SRBD1: variants seen among roughly 807,000 people sequenced by gnomAD.
SRBD1 encodes S1 RNA binding domain 1, also known as S1 RNA-binding domain-containing protein 1.
Under a neutral mutation model 115.3 loss-of-function variants are expected in SRBD1, and 88 were observed. The observed-to-expected ratio is 0.76, with a 90% confidence interval of 0.64 to 0.91. The LOEUF is 0.91. Ranked by LOEUF, SRBD1 falls within the 40% of genes least tolerant of loss-of-function variation. SRBD1 has a pLI of 0.00. For missense variants in SRBD1, 1,385 were observed against 1,177.4 expected (o/e 1.18, Z -2.58); for synonymous variants, 509 against 407.7 (o/e 1.25, Z -2.99).
At chr2:45,472,948 T>C (rs540762757) in intron 16 of SRBD1, among the ~76,000 whole-genome samples, 1 of 133,152 alleles carries the variant, frequency 7.5e-6, no homozygotes, top group Non-Finnish European at 1.7e-5. Flanking sequence ...ATCTTTAATA[T>C]CAAGGTTGTT....
intron 11 of SRBD1, among the ~76,000 whole-genome samples, chr2:45,552,582 T>C (rs765031600): frequency 7.9e-5 from 12 of 151,974 alleles, no homozygotes; most frequent in Non-Finnish European, 1.5e-4. Flanking sequence ...CAAAAAGAAA[T>C]TGAAATTTTA....
intron 19 of SRBD1, among the ~76,000 whole-genome samples, chr2:45,395,634 G>A (rs1179985134): frequency 1.3e-5 from 2 of 152,112 alleles, no homozygotes; most frequent in Non-Finnish European, 2.9e-5. Context: ...AAAGTCAAGT[G>A]CTTTTTTATT....
At chr2:45,610,396 C>A (rs1317246359) in intron 1 of SRBD1, among the ~76,000 whole-genome samples, 2 of 152,138 alleles carry the variant, frequency 1.3e-5, no homozygotes, top group Non-Finnish European at 2.9e-5. Flanking sequence ...TCCCAAGTCA[C>A]AAAAACAAAA....
At chr2:45,521,121 G>A (rs558805005) in intron 14 of SRBD1, among the ~76,000 whole-genome samples, 13 of 152,184 alleles carry the variant, frequency 8.5e-5, no homozygotes, top group Admixed American at 3.3e-4. Flanking sequence ...AAACAGACAA[G>A]CCACACCCCT....
chr2:45,392,762 G>C lies in SRBD1; in HGVS notation c.2698+183C>G, dbSNP rs538279136. ...GTCCAGGGAGACCACCTGGCTTCTAGCTTTGGCTCTGGATATTAATTATAA... is the reference window on the plus strand; with the variant it reads ...GTCCAGGGAGACCACCTGGCTTCTACCTTTGGCTCTGGATATTAATTATAA... On this transcript the variant is annotated intron_variant, in intron 20 of 20. Coordinates refer to ENST00000263736, the MANE Select transcript of SRBD1 (RefSeq NM_018079.5). Among the ~76,000 whole-genome samples the C allele has an allele frequency of 2.6e-5, 4 of 152,322 alleles. No homozygotes were observed. In the South Asian group the frequency reaches 6.2e-4, roughly 24 times the overall value.
chr2:45,488,089 T>C (rs1670173895), intron 15 of SRBD1, 151 bp downstream of exon 15: 1 of 658,212 alleles, frequency 1.5e-6, no homozygotes, highest in African/African-American at 1.8e-5. Flanking sequence ...CAATTATTAG[T>C]CCAATTAACC....
At chr2:45,579,305 A>T (rs1032867608) in intron 7 of SRBD1, among the ~76,000 whole-genome samples, 6 of 152,222 alleles carry the variant, frequency 3.9e-5, no homozygotes, top group African/African-American at 1.4e-4. Flanking sequence ...CTTCTACAGT[A>T]GAAGTGTGAG....
chr2:45,462,674 A>T lies in SRBD1; in HGVS notation c.2049+14319T>A, dbSNP rs550454302. On this transcript the variant is annotated intron_variant, in intron 16 of 20. Coordinates refer to ENST00000263736, the MANE Select transcript of SRBD1 (RefSeq NM_018079.5). ...TAAAAAAAAAAAAATACAAAAAAAA[A>T]AATTAGCCAGGCGTGGTGTCGGGCA... Among the ~76,000 whole-genome samples the T allele has an allele frequency of 9.4e-4, 143 of 151,922 alleles. 1 individual carries two copies. Among genetic ancestry groups the T allele is most frequent in the African/African-American group, 3.4e-3 (142 of 41,446 alleles).
chr2:45,597,815 G>A (rs138452206), intron 4 of SRBD1, among the ~76,000 whole-genome samples: 3 of 152,250 alleles, frequency 2.0e-5, no homozygotes, highest in African/African-American at 7.2e-5. Flanking sequence ...TTAAGGCAGG[G>A]CCATTTTCTA....
intron 4 of SRBD1, among the ~76,000 whole-genome samples, chr2:45,594,764 T>C (rs565121470): frequency 1.3e-5 from 2 of 152,320 alleles, no homozygotes; most frequent in African/African-American, 2.4e-5. Flanking sequence ...TCACCCTGGC[T>C]AAAATTTTAG....
intron 16 of SRBD1, among the ~76,000 whole-genome samples, chr2:45,474,387 G>T (rs1669742666): frequency 6.6e-6 from 1 of 152,198 alleles, no homozygotes; most frequent in African/African-American, 2.4e-5. Flanking sequence ...GATAATGTGG[G>T]AAATGTGGGA....
chr2:45,442,802 C>T (rs1668710189), intron 16 of SRBD1, among the ~76,000 whole-genome samples: 1 of 152,190 alleles, frequency 6.6e-6, no homozygotes, highest in Non-Finnish European at 1.5e-5. Context: ...AGTTTTCTGA[C>T]ACTGAGAAGA....
intron 14 of SRBD1, among the ~76,000 whole-genome samples, chr2:45,521,497 AAAT>A (rs1671282800): frequency 6.6e-6 from 1 of 152,154 alleles, no homozygotes; most frequent in Admixed American, 6.6e-5. Flanking sequence ...TAAAAAGAGA[AAAT>A]AATAAGTGCT....
chr2:45,550,220 C>T (rs991804690), intron 12 of SRBD1, among the ~76,000 whole-genome samples: 3 of 151,728 alleles, frequency 2.0e-5, no homozygotes, highest in African/African-American at 7.3e-5. Context: ...AGAAAATAAA[C>T]AAAAAGGAGA....
chr2:45,511,121 T>C (rs956626218), intron 14 of SRBD1, among the ~76,000 whole-genome samples: 11 of 152,208 alleles, frequency 7.2e-5, no homozygotes, highest in African/African-American at 2.2e-4. Context: ...ACCGACTGAA[T>C]TGCAGGCTGT....
At chr2:45,438,936 T>A (rs1361638466) in intron 16 of SRBD1, among the ~76,000 whole-genome samples, 1 of 152,092 alleles carries the variant, frequency 6.6e-6, no homozygotes, top group East Asian at 1.9e-4. Context: ...AACTTTATGG[T>A]CAAACTGCTG....
chr2:45,511,875 C>T (rs562191742), intron 14 of SRBD1, among the ~76,000 whole-genome samples: 1 of 152,166 alleles, frequency 6.6e-6, no homozygotes, highest in South Asian at 2.1e-4. Context: ...TGCTAGAATC[C>T]AGTTATGTAA....
At chr2:45,543,002 A>T (rs1209591211) in intron 14 of SRBD1, among the ~76,000 whole-genome samples, 2 of 152,274 alleles carry the variant, frequency 1.3e-5, no homozygotes, top group Non-Finnish European at 2.9e-5. Context: ...ACTAATGTAT[A>T]ACTACAAAAG....
At chr2:45,542,655 G>A (rs1451551527) in intron 14 of SRBD1, among the ~76,000 whole-genome samples, 2 of 152,202 alleles carry the variant, frequency 1.3e-5, no homozygotes, top group African/African-American at 2.4e-5. Context: ...AGTTAAACAT[G>A]TACCGTATAC....
Sources: allele counts gnomAD v4.1 joint callset (sites outside exome capture counted in the v4.1 genomes callset), GRCh38; gene constraint gnomAD v4.1.1; transcripts MANE v1.5; gene names NCBI Gene and HGNC (gene_info 2026-07-23, HGNC 2026-07-21).